Variants in ADAMTSL1 observed in about 807,000 individuals in gnomAD.
The protein encoded by ADAMTSL1 is ADAMTS-like protein 1.
A neutral mutation model predicts 201.8 loss-of-function variants in ADAMTSL1; 126 were observed. That is an observed-to-expected ratio of 0.62 (90% confidence interval 0.54 to 0.72). The LOEUF (loss-of-function observed/expected upper bound fraction) is 0.72, where lower values mean the gene tolerates loss of function less well. Among genes scored for constraint, ADAMTSL1 ranks in the 30% least tolerant of loss-of-function variants. The pLI, the probability that ADAMTSL1 is intolerant of heterozygous loss-of-function variation, is 0.00. For missense variants in ADAMTSL1, 2,679 were observed against 2,277.8 expected, an observed-to-expected ratio of 1.18 and a Z score of -3.59; for synonymous variants, 1,121 against 903.4, an observed-to-expected ratio of 1.24 and a Z score of -4.32.
At chr9:18,637,549 C>T (rs1055433315) in intron 6 of ADAMTSL1, among the ~76,000 whole-genome samples, 7 of 152,130 alleles carry the variant, frequency 4.6e-5, no homozygotes, top group African/African-American at 1.7e-4. Flanking sequence ...AAGAATTGGC[C>T]TTGTGTGATT....
intron 2 of ADAMTSL1, among the ~76,000 whole-genome samples, chr9:18,167,045 A>G (rs964901362): frequency 2.0e-5 from 3 of 152,004 alleles, no homozygotes; most frequent in Admixed American, 2.0e-4. Context: ...AAGCCACAGC[A>G]GTCAACTAAA....
At chr9:18,363,116 C>G (rs562202188) in intron 2 of ADAMTSL1, among the ~76,000 whole-genome samples, 1 of 152,312 alleles carries the variant, frequency 6.6e-6, no homozygotes, top group African/African-American at 2.4e-5. Context: ...AAGCAACTGA[C>G]GATGGAACCA....
At chr9:18,824,849 C>G (rs1257318645) in intron 21 of ADAMTSL1, among the ~76,000 whole-genome samples, 1 of 151,994 alleles carries the variant, frequency 6.6e-6, no homozygotes, top group African/African-American at 2.4e-5. Flanking sequence ...AGGTGCCCAC[C>G]ACCATGCCTG....
At chr9:18,531,300 G>C (rs998477047) in intron 2 of ADAMTSL1, among the ~76,000 whole-genome samples, 1 of 152,198 alleles carries the variant, frequency 6.6e-6, no homozygotes, top group Non-Finnish European at 1.5e-5. Context: ...CGTAATGAGG[G>C]GTGGTACTTG....
At chr9:18,847,170 G>T (rs541101341) in intron 23 of ADAMTSL1, among the ~76,000 whole-genome samples, 2 of 152,194 alleles carry the variant, frequency 1.3e-5, no homozygotes, top group African/African-American at 4.8e-5. Context: ...AATCATGAGT[G>T]TGAGAAAAGC....
chr9:18,528,980 A>G (rs1401648754), intron 2 of ADAMTSL1, among the ~76,000 whole-genome samples: 1 of 152,214 alleles, frequency 6.6e-6, no homozygotes, highest in Non-Finnish European at 1.5e-5. Context: ...GACCTGTTAA[A>G]AAAAAGAAGG....
At chr9:18,465,744 T>C (rs1466471942) in intron 2 of ADAMTSL1, among the ~76,000 whole-genome samples, 1 of 151,866 alleles carries the variant, frequency 6.6e-6, no homozygotes, top group Non-Finnish European at 1.5e-5. Context: ...TCTTTTTGTT[T>C]TGTTTTGTTT....
chr9:18,199,115 C>T lies in ADAMTSL1; in HGVS notation c.207+35134C>T, dbSNP rs6475202. 6.0e-5 allele frequency among the ~76,000 whole-genome samples: 8 copies of T among 133,014 alleles called. No homozygotes were observed. The South Asian group carries it at 8.3e-4, about 14-fold the overall frequency. 87.3% of individuals were successfully genotyped at this position (133,014 alleles called of 152,430 possible). ...CACACTCTGGGGACTGTTGTGGGGTCGGGGGAGGCGGGAGGGATAGCATTG... is the reference window on the plus strand; with the variant it reads ...CACACTCTGGGGACTGTTGTGGGGTTGGGGGAGGCGGGAGGGATAGCATTG... On this transcript the variant is annotated intron_variant, in intron 2 of 29. Coordinates refer to the ADAMTSL1 transcript ENST00000680146.
intron 1 of ADAMTSL1, among the ~76,000 whole-genome samples, chr9:18,085,696 GTATATATATATACTGTGTGTGTA>G (rs1823736572): frequency 6.8e-6 from 1 of 147,170 alleles, no homozygotes; most frequent in African/African-American, 2.6e-5. Context: ...GTGTGTGTGT[GTATATATATATACTGTGTGTGTA>G]TATATATAGC....
At chr9:18,085,484 T>TATATATATATATATATACTGTGTGTGC (rs1563990672) in intron 1 of ADAMTSL1, among the ~76,000 whole-genome samples, 23 of 130,420 alleles carry the variant, frequency 1.8e-4, no homozygotes, top group African/African-American at 5.4e-4. Context: ...TGTGTGTGCA[T>TATATATATATATATATACTGTGTGTGC]ATATATATAT....
chr9:18,406,741 T>C (rs1268818839), intron 2 of ADAMTSL1, among the ~76,000 whole-genome samples: 2 of 152,214 alleles, frequency 1.3e-5, no homozygotes, highest in African/African-American at 2.4e-5. Flanking sequence ...TTATCTATTG[T>C]ATTCTACTCA....
chr9:18,902,344 G>A (rs1262923616), intron 26 of ADAMTSL1, among the ~76,000 whole-genome samples: 1 of 152,038 alleles, frequency 6.6e-6, no homozygotes, highest in Non-Finnish European at 1.5e-5. Context: ...ATCCAAAAAA[G>A]GACTATATGT....
chr9:18,800,944 G>A (rs1030191964), intron 20 of ADAMTSL1, among the ~76,000 whole-genome samples: 4 of 151,896 alleles, frequency 2.6e-5, no homozygotes, highest in African/African-American at 9.7e-5. Context: ...AGAGGTAATG[G>A]TAGTAATCTG....
At position 18,664,622 on chromosome 9, in the gene ADAMTSL1, C is replaced by T. The variant is rs186213428; in HGVS notation, c.1085+2549C>T. On this transcript the variant is annotated intron_variant, in intron 9 of 28. Transcript: ENST00000380548. Reference sequence around the variant, plus strand: ...TATTTTAGTATTTAAAAGTAGAGTCCCTTGTAGTAAGAAAAGAGAAGGAAA... The same window carrying T: ...TATTTTAGTATTTAAAAGTAGAGTCTCTTGTAGTAAGAAAAGAGAAGGAAA... Among the ~76,000 whole-genome samples the T allele has an allele frequency of 7.5e-4, 113 of 151,624 alleles. 3 individuals carry two copies. In the South Asian group the frequency reaches 0.012, roughly 16 times the overall value.
At chr9:18,430,420 G>C (rs1819436061) in intron 2 of ADAMTSL1, among the ~76,000 whole-genome samples, 1 of 152,180 alleles carries the variant, frequency 6.6e-6, no homozygotes, top group Admixed American at 6.5e-5. Context: ...TAATCCAGAA[G>C]AATGTATCAA....
chr9:17,984,106 G>A (rs1482841302), intron 1 of ADAMTSL1, among the ~76,000 whole-genome samples: 1 of 152,096 alleles, frequency 6.6e-6, no homozygotes, highest in Non-Finnish European at 1.5e-5. Context: ...TTGTGTGTGT[G>A]TTTAAGGCCC....
intron 2 of ADAMTSL1, among the ~76,000 whole-genome samples, chr9:18,262,075 A>G (rs1042214520): frequency 2.6e-5 from 4 of 152,124 alleles, no homozygotes; most frequent in Non-Finnish European, 5.9e-5. Context: ...AATGTGTTAG[A>G]TATATATATA....
At chr9:18,054,783 C>G (rs1038378142) in intron 1 of ADAMTSL1, among the ~76,000 whole-genome samples, 1 of 152,092 alleles carries the variant, frequency 6.6e-6, no homozygotes, top group Non-Finnish European at 1.5e-5. Context: ...CTAGAGAGTT[C>G]CATATATTTC....
chr9:18,023,968 A>T (rs369392995), intron 1 of ADAMTSL1, among the ~76,000 whole-genome samples: 1 of 152,130 alleles, frequency 6.6e-6, no homozygotes, highest in Admixed American at 6.6e-5. Flanking sequence ...CAATTAAAGT[A>T]CTTTTCTTTT....
Sources: allele counts gnomAD v4.1 joint callset (sites outside exome capture counted in the v4.1 genomes callset), GRCh38; gene constraint gnomAD v4.1.1; transcripts MANE v1.5; gene names NCBI Gene and HGNC (gene_info 2026-07-23, HGNC 2026-07-21).